Variants in CD44 observed in about 807,000 individuals in gnomAD.
The protein encoded by CD44 is CD44 molecule (IN blood group), also known as CD44 antigen.
A neutral mutation model predicts 88.8 loss-of-function variants in CD44; 49 were observed. The observed-to-expected ratio is 0.55, with a 90% confidence interval of 0.44 to 0.70. The LOEUF (loss-of-function observed/expected upper bound fraction) is 0.70. Ranked by LOEUF, CD44 falls within the 30% of genes least tolerant of loss-of-function variation. The pLI, the probability that CD44 is intolerant of heterozygous loss-of-function variation, is 0.00. For synonymous variants in CD44, 325 were observed against 312.3 expected (o/e 1.04, Z -0.43); for missense variants, 883 against 913.8 (o/e 0.97, Z 0.43).
chr11:35,169,752 A>T (rs147191043), intron 1 of CD44, among the ~76,000 whole-genome samples: 1 of 152,332 alleles, frequency 6.6e-6, no homozygotes, highest in African/African-American at 2.4e-5. Flanking sequence ...TTTATCAGAG[A>T]TCTATTTTCC....
chr11:35,205,980 T>C, intron 10 of CD44, 132 bp from the exon 11 acceptor site: 1 of 1,327,820 alleles, frequency 7.5e-7, no homozygotes, highest in Non-Finnish European at 9.7e-7. Context: ...GCAACTTCCT[T>C]GCCCTCTATA....
chr11:35,217,912 G>A (rs981332165), intron 15 of CD44, among the ~76,000 whole-genome samples: 3 of 152,076 alleles, frequency 2.0e-5, no homozygotes, highest in Admixed American at 2.0e-4. Context: ...TTCACAAGAT[G>A]TCTTAGAAGT....
intron 1 of CD44, among the ~76,000 whole-genome samples, chr11:35,140,916 G>C (rs1274865383): frequency 2.0e-5 from 3 of 152,008 alleles, no homozygotes; most frequent in Non-Finnish European, 2.9e-5. Context: ...AGCTGCTTGG[G>C]ACGCTGAGGC....
At chr11:35,189,338 G>A (rs1946038654) in intron 4 of CD44, among the ~76,000 whole-genome samples, 1 of 152,312 alleles carries the variant, frequency 6.6e-6, no homozygotes, top group South Asian at 2.1e-4. Context: ...TTTTGCAGAT[G>A]TATCTTCCCT....
At chr11:35,201,870 T>G (rs991122198) in intron 9 of CD44, 83 bp downstream of exon 9, 4 of 1,414,760 alleles carry the variant, frequency 2.8e-6, no homozygotes, top group African/African-American at 2.9e-5. Context: ...TGTTTAGAAA[T>G]TGGCCGCATC....
intron 1 of CD44, among the ~76,000 whole-genome samples, chr11:35,152,174 A>C (rs2133180992): frequency 6.6e-6 from 1 of 152,316 alleles, no homozygotes; most frequent in East Asian, 1.9e-4. Flanking sequence ...AACAGCAGCC[A>C]CATTCCATGA....
intron 1 of CD44, among the ~76,000 whole-genome samples, chr11:35,142,714 G>T (rs1424419008): frequency 6.6e-6 from 1 of 152,220 alleles, no homozygotes; most frequent in African/African-American, 2.4e-5. Context: ...ACAAGTCCTT[G>T]TGTGGGAGGC....
In CD44 at chr11:35,189,272, GT is replaced by G. The variant is rs559954444; in HGVS notation, c.437-560del. On this transcript the variant is annotated intron_variant, in intron 4 of 17. Transcript: ENST00000428726. Reference sequence around the variant, plus strand: ...GCTGGTTTCCTAGCCAGAAGTGGGTGTTTGCACAAGTGGACAAAACTTGCCC... The same window carrying G: ...GCTGGTTTCCTAGCCAGAAGTGGGTGTTGCACAAGTGGACAAAACTTGCCC... Among the ~76,000 whole-genome samples, 76 of 152,298 alleles carry G rather than the reference GT, an allele frequency of 5.0e-4. 4 individuals carry two copies. The South Asian group carries it at 0.014, about 28-fold the overall frequency.
chr11:35,171,057 C>T (rs2133531379), intron 1 of CD44, among the ~76,000 whole-genome samples: 1 of 152,256 alleles, frequency 6.6e-6, no homozygotes, highest in Non-Finnish European at 1.5e-5. Context: ...TTCTAAAGTG[C>T]CTAAAATAGA....
chr11:35,213,647 G>C (rs184334057), intron 14 of CD44: 1 of 152,276 alleles, frequency 6.6e-6, no homozygotes, highest in African/African-American at 2.4e-5. Context: ...ACGAGGCTCC[G>C]TCCCCCAAAA....
At chr11:35,227,612 A>G (rs1054003353) in intron 17 of CD44, among the ~76,000 whole-genome samples, 3 of 152,238 alleles carry the variant, frequency 2.0e-5, no homozygotes, top group African/African-American at 4.8e-5. Flanking sequence ...TAGAGGAGAC[A>G]GGATCTACCT....
At position 35,211,457 on chromosome 11, in the gene CD44, G is replaced by A. The variant is rs1948380523; in HGVS notation, c.1810+8G>A. The A allele has an allele frequency of 3.7e-6, 6 of 1,606,662 alleles. No individual in the cohort carries two copies. Among genetic ancestry groups the A allele is most frequent in the Non-Finnish European group, 5.1e-6 (6 of 1,173,744 alleles). Reference sequence around the variant, plus strand: ...TCAATCGTTCCTTATCAGGTAATTTGGCATTTATTATCTAGTTTGCTTTCT... The same window carrying A: ...TCAATCGTTCCTTATCAGGTAATTTAGCATTTATTATCTAGTTTGCTTTCT... On this transcript the variant is annotated splice_region_variant and intron_variant, in intron 14 of 17. Coordinates refer to ENST00000428726, the MANE Select transcript of CD44 (RefSeq NM_000610.4).
chr11:35,157,453 A>T (rs1462004276), intron 1 of CD44, among the ~76,000 whole-genome samples: 1 of 151,894 alleles, frequency 6.6e-6, no homozygotes, highest in Admixed American at 6.6e-5. Context: ...TTATCTATTT[A>T]TATCTATCAT....
rs532073377 is a variant in CD44, at chr11:35,222,539, A to T, written c.2024+807A>T. On this transcript the variant is annotated intron_variant, in intron 17 of 17. Coordinates refer to ENST00000428726, the MANE Select transcript of CD44 (RefSeq NM_000610.4). The stretch of plus-strand genomic sequence containing the variant: ...GGCTGTTTTTATATTCTTGAAGGCC[A>T]CTCTCTCCCTACCTGAACCAAGACC... The T allele has an allele frequency of 1.3e-5, 13 of 1,030,622 alleles. No individual in the cohort carries two copies. The African/African-American group carries it at 1.9e-4, about 15-fold the overall frequency. 63.8% of individuals were successfully genotyped at this position (1,030,622 alleles called of 1,614,324 possible). A position where few individuals can be genotyped will look rare whatever the true frequency, so the allele number is the denominator to read the frequency against.
chr11:35,194,101 T>TC (rs1456321581), intron 5 of CD44, among the ~76,000 whole-genome samples: 6 of 152,236 alleles, frequency 3.9e-5, no homozygotes, highest in African/African-American at 1.4e-4. Flanking sequence ...AGCTCATGGC[T>TC]CAGTCGCCCA....
chr11:35,174,461 G>T (rs761937439), intron 1 of CD44, among the ~76,000 whole-genome samples: 10 of 152,140 alleles, frequency 6.6e-5, no homozygotes, highest in Non-Finnish European at 1.5e-4. Flanking sequence ...GGAGGAATAA[G>T]CTTCACCAGG....
At chr11:35,196,634 T>C in intron 5 of CD44, 112 bp from the exon 6 acceptor site, 1 of 1,173,570 alleles carries the variant, frequency 8.5e-7, no homozygotes, top group Non-Finnish European at 1.2e-6. Context: ...ACCATCTATA[T>C]CAAATATAGA....
chr11:35,160,987 G>T (rs1942524799), intron 1 of CD44, among the ~76,000 whole-genome samples: 2 of 152,174 alleles, frequency 1.3e-5, no homozygotes, highest in Non-Finnish European at 2.9e-5. Flanking sequence ...TAGAGTGAGA[G>T]CCCATGTATT....
chr11:35,165,245 TTC>T, intron 1 of CD44, among the ~76,000 whole-genome samples: 1 of 152,194 alleles, frequency 6.6e-6, no homozygotes, highest in African/African-American at 2.4e-5. Context: ...ACCATCAATC[TTC>T]TCTCTGAATG....
Sources: gnomAD v4.1 joint callset for allele counts (sites outside exome capture counted in the v4.1 genomes callset) on GRCh38, gnomAD v4.1.1 for gene constraint, MANE v1.5 for transcripts, NCBI Gene and HGNC (gene_info 2026-07-23, HGNC 2026-07-21) for gene names.